The following PXDNL variants were observed in gnomAD, a reference collection of about 807,000 sequenced individuals.
PXDNL encodes peroxidasin like.
PXDNL carries 145 observed loss-of-function variants against 150.8 expected under a neutral mutation model. That is an observed-to-expected ratio of 0.96 (90% CI 0.84 to 1.10). The LOEUF is 1.10. Among genes scored for constraint, PXDNL ranks in the 50% least tolerant of loss-of-function variants. The pLI is 0.00. For synonymous variants in PXDNL, 757 were observed against 725.7 expected, an observed-to-expected ratio of 1.04 and a Z score of -0.69; for missense variants, 2,087 against 1,873.9, an observed-to-expected ratio of 1.11 and a Z score of -2.10.
chr8:51,634,757 C>T (rs910821742), intron 2 of PXDNL, among the ~76,000 whole-genome samples: 3 of 145,932 alleles, frequency 2.1e-5, no homozygotes, highest in Admixed American at 6.8e-5. Context: ...TGGGATTGCA[C>T]TCTTGATATG....
chr8:51,607,169 C>A (rs1309597029), intron 2 of PXDNL, among the ~76,000 whole-genome samples: 1 of 152,176 alleles, frequency 6.6e-6, no homozygotes, highest in African/African-American at 2.4e-5. Flanking sequence ...CATGATCCCA[C>A]AGACTGATCT....
chr8:51,591,520 G>GTTA (rs201568986), intron 3 of PXDNL, among the ~76,000 whole-genome samples: 10,533 of 152,222 alleles, frequency 0.069, 454 homozygotes, highest in South Asian at 0.1. Flanking sequence ...GCTAAAGATT[G>GTTA]GAATGGTGTC....
At chr8:51,585,102 A>G (rs1465575310) in intron 3 of PXDNL, among the ~76,000 whole-genome samples, 2 of 152,164 alleles carry the variant, frequency 1.3e-5, no homozygotes, top group African/African-American at 4.8e-5. Flanking sequence ...TGACTGTATG[A>G]GTCTGTCATC....
intron 3 of PXDNL, among the ~76,000 whole-genome samples, chr8:51,574,266 T>C (rs1314111199): frequency 6.6e-6 from 1 of 151,674 alleles, no homozygotes; most frequent in Non-Finnish European, 1.5e-5. Context: ...ACTTATCTAC[T>C]GAAGTAAAAA....
intron 4 of PXDNL, among the ~76,000 whole-genome samples, chr8:51,520,637 A>G (rs1490897467): frequency 1.3e-5 from 2 of 152,074 alleles, no homozygotes; most frequent in African/African-American, 2.4e-5. Context: ...CCAAACCCGA[A>G]AGGGGAGGCG....
At chr8:51,693,377 T>C (rs183318322) in intron 1 of PXDNL, among the ~76,000 whole-genome samples, 1 of 152,250 alleles carries the variant, frequency 6.6e-6, no homozygotes, top group African/African-American at 2.4e-5. Context: ...ATTTATTTCA[T>C]GAGAAACACT....
At chr8:51,438,139 C>A (rs1809450709) in intron 12 of PXDNL, among the ~76,000 whole-genome samples, 1 of 152,090 alleles carries the variant, frequency 6.6e-6, no homozygotes, top group Non-Finnish European at 1.5e-5. Context: ...ATGAAAACTT[C>A]AAAACACTGC....
chr8:51,520,190 C>G (rs569832317), intron 4 of PXDNL, among the ~76,000 whole-genome samples: 8 of 152,244 alleles, frequency 5.3e-5, no homozygotes, highest in Non-Finnish European at 1.0e-4. Flanking sequence ...AGGCCCTGCT[C>G]CCTCACAGAA....
At chr8:51,405,445 G>A (rs1011835079) in intron 17 of PXDNL, among the ~76,000 whole-genome samples, 2 of 152,286 alleles carry the variant, frequency 1.3e-5, no homozygotes, top group Non-Finnish European at 2.9e-5. Flanking sequence ...GTGAGGATGC[G>A]GGGCTCAAGA....
At chr8:51,362,348 A>G (rs1806779263) in intron 19 of PXDNL, among the ~76,000 whole-genome samples, 1 of 152,244 alleles carries the variant, frequency 6.6e-6, no homozygotes, top group Non-Finnish European at 1.5e-5. Context: ...ATAGTAGCTA[A>G]GTTAAAAAGA....
chr8:51,608,155 C>T (rs1438175759), intron 2 of PXDNL, among the ~76,000 whole-genome samples: 1 of 147,642 alleles, frequency 6.8e-6, no homozygotes, highest in Non-Finnish European at 1.5e-5. Context: ...TTTGGGAGGC[C>T]GAGGTGGGCA....
At chr8:51,594,999 C>G (rs957982314) in intron 2 of PXDNL, among the ~76,000 whole-genome samples, 4 of 151,092 alleles carry the variant, frequency 2.6e-5, no homozygotes, top group African/African-American at 9.7e-5. Flanking sequence ...GCCAAAGGAA[C>G]AAAACAAAAC....
intron 1 of PXDNL, among the ~76,000 whole-genome samples, chr8:51,784,029 CAT>C (rs2037438924): frequency 6.6e-6 from 1 of 152,024 alleles, no homozygotes. Flanking sequence ...ATTTGAAAAA[CAT>C]GTGAACTAGC....
At chr8:51,539,637 T>C (rs1812167927) in intron 4 of PXDNL, among the ~76,000 whole-genome samples, 1 of 152,158 alleles carries the variant, frequency 6.6e-6, no homozygotes, top group Admixed American at 6.5e-5. Flanking sequence ...ATATGATTTC[T>C]TTAAAAGATT....
chr8:51,640,592 C>A (rs534410025), intron 2 of PXDNL, among the ~76,000 whole-genome samples: 10 of 152,286 alleles, frequency 6.6e-5, no homozygotes, highest in South Asian at 2.1e-4. Flanking sequence ...CATGAGTGAA[C>A]TCCCATTCAC....
rs147286785 is a variant in PXDNL, at chr8:51,470,940, C to T, written c.812+1247G>A. Among the ~76,000 whole-genome samples the T allele has an allele frequency of 7.2e-3, 1,085 of 151,214 alleles. 5 individuals carry two copies. Among genetic ancestry groups the T allele is most frequent in the Non-Finnish European group, 0.011 (719 of 67,910 alleles). On this transcript the variant is annotated intron_variant, in intron 8 of 22. Transcript: ENST00000356297. ...ATAGGCACGGGCAAAGGCTTCATGACGAAAACATGAAAAGCAATGGCAACA... is the reference window on the plus strand; with the variant it reads ...ATAGGCACGGGCAAAGGCTTCATGATGAAAACATGAAAAGCAATGGCAACA...
At chr8:51,706,302 A>T (rs995327815) in intron 1 of PXDNL, among the ~76,000 whole-genome samples, 3 of 151,896 alleles carry the variant, frequency 2.0e-5, no homozygotes, top group Non-Finnish European at 4.4e-5. Context: ...GCTGGGTGAT[A>T]ATGAGAGCGA....
intron 2 of PXDNL, among the ~76,000 whole-genome samples, chr8:51,597,588 T>C (rs191499225): frequency 5.9e-5 from 9 of 152,240 alleles, no homozygotes; most frequent in Admixed American, 3.9e-4. Context: ...TTTAGCAGTT[T>C]TTTTTGTTTT....
At chr8:51,554,305 A>T (rs551748242) in intron 4 of PXDNL, among the ~76,000 whole-genome samples, 1 of 152,238 alleles carries the variant, frequency 6.6e-6, no homozygotes, top group East Asian at 1.9e-4. Flanking sequence ...TTTTTCAGGC[A>T]TGCTGAGCTG....
Sources: gnomAD v4.1 joint callset for allele counts (sites outside exome capture counted in the v4.1 genomes callset) on GRCh38, gnomAD v4.1.1 for gene constraint, MANE v1.5 for transcripts, NCBI Gene and HGNC (gene_info 2026-07-23, HGNC 2026-07-21) for gene names.